ADAMTS12: variants seen among roughly 807,000 people sequenced by gnomAD.
ADAMTS12 encodes the protein A disintegrin and metalloproteinase with thrombospondin motifs 12.
Under a neutral mutation model 167.8 loss-of-function variants are expected in ADAMTS12, and 118 were observed. That is an observed-to-expected ratio of 0.70 (90% confidence interval 0.61 to 0.82). The LOEUF is 0.82. Among genes scored for constraint, ADAMTS12 ranks in the 40% least tolerant of loss-of-function variants. ADAMTS12 has a pLI of 0.00. For missense variants in ADAMTS12, 1,916 were observed against 1,998.8 expected (o/e 0.96, Z 0.79); for synonymous variants, 704 against 716.9 (o/e 0.98, Z 0.29).
chr5:33,813,154 T>C (rs1747525405), intron 2 of ADAMTS12, among the ~76,000 whole-genome samples: 1 of 152,236 alleles, frequency 6.6e-6, no homozygotes, highest in Admixed American at 6.5e-5. Flanking sequence ...CCCAGTGTTA[T>C]GCACCAACTT....
intron 23 of ADAMTS12, among the ~76,000 whole-genome samples, chr5:33,527,991 TTGCAAAGATA>T (rs1169291450): frequency 2.0e-5 from 3 of 151,440 alleles, no homozygotes; most frequent in African/African-American, 7.3e-5. Context: ...CAATTCACAA[TTGCAAAGATA>T]TGGAACCAAC....
chr5:33,759,506 A>T (rs1398675683), intron 2 of ADAMTS12, among the ~76,000 whole-genome samples: 1 of 152,186 alleles, frequency 6.6e-6, no homozygotes, highest in Non-Finnish European at 1.5e-5. Flanking sequence ...ACAAGAACTA[A>T]ATAAGGCAAT....
At chr5:33,753,274 T>C (rs1745059943) in intron 2 of ADAMTS12, among the ~76,000 whole-genome samples, 2 of 152,230 alleles carry the variant, frequency 1.3e-5, no homozygotes, top group Non-Finnish European at 2.9e-5. Context: ...TATGCTTACA[T>C]TGCTTAGAAA....
At chr5:33,663,133 G>A (rs951447150) in intron 5 of ADAMTS12, among the ~76,000 whole-genome samples, 2 of 152,218 alleles carry the variant, frequency 1.3e-5, no homozygotes, top group Non-Finnish European at 1.5e-5. Context: ...TGAAAACACC[G>A]AAAGGTGGCT....
chr5:33,683,918 T>C lies in ADAMTS12; in HGVS notation c.772A>G (p.Met258Val). 1 of 1,608,834 alleles carries C rather than the reference T, an allele frequency of 6.2e-7. No individual in the cohort carries two copies. The highest frequency in any genetic ancestry group is 8.5e-7 in the Non-Finnish European group (1 of 1,177,744). ...TTCTCACTCCCATGGTATTCAATCA[T>C]CTTTGTGTCGGCCACCACCAGTGTC... ...VETLVVADTK[M>V]IEYHGSENVE... The change falls in exon 4 of 24, where the codon ATG becomes GTG. Residue 258 changes from methionine to valine, a missense_variant. Met to Val is a conservative substitution (Grantham distance 21). Coordinates refer to ENST00000504830, the MANE Select transcript of ADAMTS12 (RefSeq NM_030955.4).
At chr5:33,706,964 C>T (rs151137711) in intron 3 of ADAMTS12, among the ~76,000 whole-genome samples, 5,781 of 152,072 alleles carry the variant, frequency 0.038, 364 homozygotes, top group African/African-American at 0.13. Flanking sequence ...GGCAATCAAG[C>T]AAGAAAAAGA....
chr5:33,755,349 G>C lies in ADAMTS12; in HGVS notation c.490-3801C>G, dbSNP rs140668896. Among the ~76,000 whole-genome samples the C allele has an allele frequency of 9.2e-5, 14 of 152,320 alleles. No homozygotes were observed. In the East Asian group the frequency reaches 2.7e-3, roughly 29 times the overall value. ...TGGTAGGGATAAGACCAAAGGCTGAGATGCATTGGTGTGAGCCAGCTGGTA... is the reference window on the plus strand; with the variant it reads ...TGGTAGGGATAAGACCAAAGGCTGACATGCATTGGTGTGAGCCAGCTGGTA... On this transcript the variant is annotated intron_variant, in intron 2 of 23. Transcript: ENST00000504830.
intron 2 of ADAMTS12, among the ~76,000 whole-genome samples, chr5:33,782,749 T>C (rs1726445244): frequency 6.6e-6 from 1 of 152,044 alleles, no homozygotes; most frequent in Non-Finnish European, 1.5e-5. Flanking sequence ...TAACTATAAA[T>C]GTATATGTAC....
chr5:33,739,251 T>A (rs1744479002), intron 3 of ADAMTS12, among the ~76,000 whole-genome samples: 1 of 151,820 alleles, frequency 6.6e-6, no homozygotes, highest in African/African-American at 2.4e-5. Flanking sequence ...CAACACACAC[T>A]CCTTCACACA....
intron 1 of ADAMTS12, among the ~76,000 whole-genome samples, chr5:33,885,590 T>C (rs1359876598): frequency 1.3e-5 from 2 of 152,226 alleles, no homozygotes; most frequent in African/African-American, 2.4e-5. Context: ...GACAGAACTA[T>C]AGAGAATATC....
chr5:33,734,886 C>T (rs1744317425), intron 3 of ADAMTS12, among the ~76,000 whole-genome samples: 1 of 152,166 alleles, frequency 6.6e-6, no homozygotes, highest in Admixed American at 6.5e-5. Context: ...CTCTTTGGCT[C>T]TCAAATTTCT....
intron 2 of ADAMTS12, among the ~76,000 whole-genome samples, chr5:33,841,657 C>A (rs11958905): frequency 2.1e-3 from 314 of 152,292 alleles, no homozygotes; most frequent in African/African-American, 7.1e-3. Context: ...AAACTTGCAA[C>A]CTCTGGCATA....
At chr5:33,808,310 C>A (rs1002170192) in intron 2 of ADAMTS12, among the ~76,000 whole-genome samples, 6 of 152,164 alleles carry the variant, frequency 3.9e-5, no homozygotes, top group African/African-American at 1.4e-4. Flanking sequence ...AAACTTGGCT[C>A]AGCCTTGGAC....
chr5:33,793,556 G>GAATTTA (rs1445124948), intron 2 of ADAMTS12, among the ~76,000 whole-genome samples: 1 of 152,112 alleles, frequency 6.6e-6, no homozygotes, highest in Admixed American at 6.6e-5. Flanking sequence ...TTTTTAAATT[G>GAATTTA]AATTTAAGAT....
chr5:33,742,021 G>A (rs900725194), intron 3 of ADAMTS12, among the ~76,000 whole-genome samples: 7 of 152,116 alleles, frequency 4.6e-5, no homozygotes, highest in Non-Finnish European at 1.5e-5. Context: ...ACGATTTTGT[G>A]ATTTTTTGTT....
rs562754602 is a variant in ADAMTS12 at position 33,639,042 on chromosome 5, T to C, written c.1719-1296A>G. 3.3e-5 allele frequency among the ~76,000 whole-genome samples: 5 copies of C among 152,308 alleles called. No homozygotes were observed. In the East Asian group the frequency reaches 7.7e-4, roughly 24 times the overall value. On this transcript the variant is annotated intron_variant, in intron 11 of 23. Transcript: ENST00000504830. ...GAGTTCGAATTTGGTATTATCTTTT[T>C]GTTAGATGGATCTGAATAAGTTACC...
At chr5:33,854,026 C>T (rs1579994180) in intron 2 of ADAMTS12, among the ~76,000 whole-genome samples, 1 of 152,340 alleles carries the variant, frequency 6.6e-6, no homozygotes, top group East Asian at 1.9e-4. Flanking sequence ...CTCCCAAATT[C>T]GGTGGAATTG....
intron 2 of ADAMTS12, among the ~76,000 whole-genome samples, chr5:33,863,534 A>G (rs942068563): frequency 2.0e-5 from 3 of 152,210 alleles, no homozygotes; most frequent in East Asian, 3.8e-4. Context: ...CTGCTTAAGG[A>G]AATAATGAGG....
intron 19 of ADAMTS12, among the ~76,000 whole-genome samples, chr5:33,572,951 A>T (rs575200858): frequency 2.4e-4 from 35 of 147,514 alleles, no homozygotes; most frequent in African/African-American, 8.3e-4. Context: ...CTTATACACC[A>T]ATAACAGACA....
Sources: gnomAD v4.1 joint callset for allele counts (sites outside exome capture counted in the v4.1 genomes callset) on GRCh38, gnomAD v4.1.1 for gene constraint, MANE v1.5 for transcripts, NCBI Gene and HGNC (gene_info 2026-07-23, HGNC 2026-07-21) for gene names.